The following SCFD2 variants were observed in gnomAD, a reference collection of about 807,000 sequenced individuals.
SCFD2 encodes sec1 family domain containing 2.
In SCFD2, 54 loss-of-function variants were observed where a neutral mutation model predicts 58.9. The observed-to-expected ratio is 0.92, with a 90% CI of 0.74 to 1.15. The LOEUF is 1.15. Ranked by LOEUF, SCFD2 falls within the 50% of genes most tolerant of loss-of-function variation. The pLI, the probability that SCFD2 is intolerant of heterozygous loss-of-function variation, is 0.00. For missense variants in SCFD2, 805 were observed against 836.6 expected, an observed-to-expected ratio of 0.96 and a Z score of 0.47; for synonymous variants, 321 against 335.9, an observed-to-expected ratio of 0.96 and a Z score of 0.49.
chr4:53,107,455 C>T (rs1355456477), intron 5 of SCFD2, among the ~76,000 whole-genome samples: 1 of 152,086 alleles, frequency 6.6e-6, no homozygotes, highest in Non-Finnish European at 1.5e-5. Flanking sequence ...AGTCAAGACC[C>T]ATTGGTGTGC....
chr4:53,014,347 T>G (rs193172548), intron 5 of SCFD2, among the ~76,000 whole-genome samples: 1 of 152,328 alleles, frequency 6.6e-6, no homozygotes, highest in East Asian at 1.9e-4. Flanking sequence ...AAAGGGATTA[T>G]AGTCAGAGTC....
intron 5 of SCFD2, among the ~76,000 whole-genome samples, chr4:53,138,357 T>C (rs1726005472): frequency 6.6e-6 from 1 of 152,242 alleles, no homozygotes; most frequent in South Asian, 2.1e-4. Context: ...TATACCTCTC[T>C]ATATGATGAC....
chr4:53,294,420 G>A (rs1172241877), intron 3 of SCFD2, among the ~76,000 whole-genome samples: 6 of 151,854 alleles, frequency 4.0e-5, no homozygotes, highest in East Asian at 3.9e-4. Flanking sequence ...TTTCATGTTC[G>A]TTGGCTGCAT....
intron 8 of SCFD2, among the ~76,000 whole-genome samples, chr4:52,879,746 G>T (rs1718564770): frequency 6.6e-6 from 1 of 152,224 alleles, no homozygotes; most frequent in Non-Finnish European, 1.5e-5. Context: ...GCTGTAATTT[G>T]TAGGTGCCAG....
chr4:53,166,040 T>C (rs1051542040), intron 4 of SCFD2, among the ~76,000 whole-genome samples: 6 of 152,250 alleles, frequency 3.9e-5, no homozygotes, highest in Non-Finnish European at 7.3e-5. Flanking sequence ...CATCCTTTAG[T>C]GTCTGGCCTA....
intron 4 of SCFD2, among the ~76,000 whole-genome samples, chr4:53,236,466 AT>A (rs1729614694): frequency 6.7e-6 from 1 of 149,964 alleles, no homozygotes; most frequent in Non-Finnish European, 1.5e-5. Flanking sequence ...ATATATATAT[AT>A]ATCCCATTAG....
intron 5 of SCFD2, among the ~76,000 whole-genome samples, chr4:53,096,670 T>A (rs1451043339): frequency 6.6e-6 from 1 of 152,232 alleles, no homozygotes; most frequent in East Asian, 1.9e-4. Context: ...AGGTTGCCTG[T>A]TCACTTTGAT....
chr4:53,271,487 G>A (rs1225519479), intron 4 of SCFD2, among the ~76,000 whole-genome samples: 1 of 99,770 alleles, frequency 1.0e-5, no homozygotes, highest in Non-Finnish European at 2.3e-5. Context: ...TTTTGAGATG[G>A]AGTCTCCCTC....
chr4:53,060,699 A>G (rs1324991041), intron 5 of SCFD2, among the ~76,000 whole-genome samples: 1 of 152,164 alleles, frequency 6.6e-6, no homozygotes, highest in East Asian at 1.9e-4. Flanking sequence ...AATGCCACTC[A>G]TTCTATATAT....
In SCFD2 at chr4:52,975,643, T is replaced by C. The variant is rs531381925; in HGVS notation, c.1562-54773A>G. Among the ~76,000 whole-genome samples, 55 of 152,234 alleles carry C rather than the reference T, an allele frequency of 3.6e-4. 1 individual carries two copies. The South Asian group carries it at 9.1e-3, about 25-fold the overall frequency. ...TTCCTCAGGGATCCAGAAGTAGAAATACCATTTGACCCAGCCATCCCATTA... is the reference window on the plus strand; with the variant it reads ...TTCCTCAGGGATCCAGAAGTAGAAACACCATTTGACCCAGCCATCCCATTA... On this transcript the variant is annotated intron_variant, in intron 5 of 8. Transcript: ENST00000401642.
chr4:53,339,627 A>T (rs1560455686), intron 2 of SCFD2, among the ~76,000 whole-genome samples: 1 of 152,038 alleles, frequency 6.6e-6, no homozygotes, highest in Non-Finnish European at 1.5e-5. Context: ...AAAGTTAGCC[A>T]GGCATGGTGG....
intron 5 of SCFD2, among the ~76,000 whole-genome samples, chr4:53,075,856 T>A (rs1723956848): frequency 6.6e-6 from 1 of 152,186 alleles, no homozygotes; most frequent in Non-Finnish European, 1.5e-5. Context: ...TTGTGAGAGT[T>A]ACCAAAATGT....
chr4:53,333,298 C>A, intron 2 of SCFD2, among the ~76,000 whole-genome samples: 1 of 149,438 alleles, frequency 6.7e-6, no homozygotes, highest in Admixed American at 6.7e-5. Flanking sequence ...CCAAGGCAAT[C>A]CTAAGCCAAA....
intron 4 of SCFD2, among the ~76,000 whole-genome samples, chr4:53,178,056 T>G (rs62325041): frequency 0.09 from 13,675 of 152,272 alleles, 1,042 homozygotes; most frequent in South Asian, 0.21. Context: ...GAGGCCTACC[T>G]GCCTCTGTAG....
chr4:52,905,652 T>A (rs1719329751), intron 7 of SCFD2, among the ~76,000 whole-genome samples: 1 of 152,168 alleles, frequency 6.6e-6, no homozygotes, highest in Non-Finnish European at 1.5e-5. Context: ...GCCCTAACAC[T>A]GGGGGTTTGA....
chr4:53,301,518 A>T (rs924375719), intron 3 of SCFD2, among the ~76,000 whole-genome samples: 1 of 152,082 alleles, frequency 6.6e-6, no homozygotes, highest in Admixed American at 6.5e-5. Flanking sequence ...ATTCTACCAG[A>T]GGTACAAGGA....
intron 7 of SCFD2, among the ~76,000 whole-genome samples, chr4:52,888,509 G>A (rs1282523734): frequency 6.6e-6 from 1 of 152,128 alleles, no homozygotes; most frequent in African/African-American, 2.4e-5. Context: ...TTGTCCTACT[G>A]TACCCTGGAA....
intron 2 of SCFD2, among the ~76,000 whole-genome samples, chr4:53,338,481 A>T (rs927163516): frequency 6.6e-6 from 1 of 152,082 alleles, no homozygotes; most frequent in South Asian, 2.1e-4. Context: ...GCACTAAGAC[A>T]GAAATGATAC....
chr4:53,319,357 T>C (rs1309840544), intron 2 of SCFD2, among the ~76,000 whole-genome samples: 9 of 152,320 alleles, frequency 5.9e-5, no homozygotes, highest in Admixed American at 5.2e-4. Flanking sequence ...TTTCCTTAAA[T>C]GTTTCCCTCC....
Sources: gnomAD v4.1 joint callset for allele counts (sites outside exome capture counted in the v4.1 genomes callset) on GRCh38, gnomAD v4.1.1 for gene constraint, MANE v1.5 for transcripts, NCBI Gene and HGNC (gene_info 2026-07-23, HGNC 2026-07-21) for gene names.